Variants in WWP2 observed in about 807,000 individuals in gnomAD.
The protein encoded by WWP2 is NEDD4-like E3 ubiquitin-protein ligase WWP2.
A neutral mutation model predicts 121.0 loss-of-function variants in WWP2; 57 were observed. The observed-to-expected ratio is 0.47, with a 90% CI of 0.38 to 0.59. WWP2 has a LOEUF of 0.59. Ranked by LOEUF, WWP2 falls within the 20% of genes least tolerant of loss-of-function variation. The probability of loss-of-function intolerance (pLI) is 0.00; values close to 1 mark genes in which losing one functional copy is unlikely to be tolerated. For synonymous variants in WWP2, 449 were observed against 441.3 expected, an observed-to-expected ratio of 1.02 and a Z score of -0.22; for missense variants, 962 against 1,158.9, an observed-to-expected ratio of 0.83 and a Z score of 2.47.
chr16:69,768,246 G>GT (rs1424702895), intron 1 of WWP2, among the ~76,000 whole-genome samples: 1 of 152,106 alleles, frequency 6.6e-6, no homozygotes, highest in East Asian at 1.9e-4. Flanking sequence ...GCAGTTCCCT[G>GT]TTTTTCACCC....
At chr16:69,891,269 G>C (rs2058021658) in intron 8 of WWP2, among the ~76,000 whole-genome samples, 1 of 152,178 alleles carries the variant, frequency 6.6e-6, no homozygotes, top group African/African-American at 2.4e-5. Flanking sequence ...GGCAAGGCGG[G>C]TTATTAATTT....
chr16:69,764,644 ATTCT>A (rs2038689768), intron 1 of WWP2, among the ~76,000 whole-genome samples: 2 of 152,326 alleles, frequency 1.3e-5, no homozygotes, highest in Non-Finnish European at 1.5e-5. Flanking sequence ...CTGGGAAAAC[ATTCT>A]TTCATTCAGT....
At chr16:69,905,044 A>C (rs1041395863) in intron 8 of WWP2, among the ~76,000 whole-genome samples, 5 of 152,162 alleles carry the variant, frequency 3.3e-5, no homozygotes, top group Non-Finnish European at 7.3e-5. Flanking sequence ...CAGGCAGCTG[A>C]TCAGACCACG....
At chr16:69,766,279 G>C (rs2038728291) in intron 1 of WWP2, among the ~76,000 whole-genome samples, 1 of 152,108 alleles carries the variant, frequency 6.6e-6, no homozygotes, top group Admixed American at 6.6e-5. Flanking sequence ...CTGTACTTCA[G>C]AGTACACCCT....
chr16:69,796,753 A>G (rs6499256), intron 2 of WWP2, among the ~76,000 whole-genome samples: 8,968 of 152,268 alleles, frequency 0.059, 863 homozygotes, highest in African/African-American at 0.2. Flanking sequence ...ACCCTGGGCC[A>G]TGCCTCAGTA....
chr16:69,912,047 T>C (rs1399873029), intron 9 of WWP2, among the ~76,000 whole-genome samples: 1 of 152,032 alleles, frequency 6.6e-6, no homozygotes. Context: ...CCCAGCACTT[T>C]GGGAGGCCGA....
At chr16:69,896,908 A>G (rs574567578) in intron 8 of WWP2, among the ~76,000 whole-genome samples, 7 of 152,266 alleles carry the variant, frequency 4.6e-5, no homozygotes, top group Non-Finnish European at 1.0e-4. Flanking sequence ...GGCACCACAT[A>G]TACAGATACA....
intron 4 of WWP2, among the ~76,000 whole-genome samples, chr16:69,823,133 A>G (rs2056624009): frequency 6.6e-6 from 1 of 152,248 alleles, no homozygotes; most frequent in Non-Finnish European, 1.5e-5. Context: ...TGTGTCTCAA[A>G]AAAGAAAAAA....
chr16:69,921,636 G>A (rs1194898550), intron 10 of WWP2, among the ~76,000 whole-genome samples: 1 of 152,092 alleles, frequency 6.6e-6, no homozygotes, highest in Non-Finnish European at 1.5e-5. Flanking sequence ...TTGCTTCACC[G>A]TTGCAGTTTC....
intron 19 of WWP2, 35 bp downstream of exon 19, chr16:69,936,487 G>A (rs371519415): frequency 6.2e-7 from 1 of 1,612,242 alleles, no homozygotes; most frequent in African/African-American, 1.3e-5. Context: ...CGCTCCAGGG[G>A]TGGCGTGGAG....
intron 6 of WWP2, among the ~76,000 whole-genome samples, chr16:69,859,979 G>A (rs2057387028): frequency 6.6e-6 from 1 of 151,012 alleles, no homozygotes; most frequent in South Asian, 2.1e-4. Context: ...CAGGTTTTAG[G>A]CATTGGAGGG....
intron 6 of WWP2, among the ~76,000 whole-genome samples, chr16:69,847,069 TC>T (rs1230870388): frequency 6.7e-6 from 1 of 149,990 alleles, no homozygotes; most frequent in Non-Finnish European, 1.5e-5. Flanking sequence ...GCTGCCAGGC[TC>T]TTTTTATTAT....
intron 1 of WWP2, among the ~76,000 whole-genome samples, chr16:69,769,585 G>T (rs2055369979): frequency 6.6e-6 from 1 of 152,112 alleles, no homozygotes; most frequent in South Asian, 2.1e-4. Context: ...AGAATTTTAG[G>T]AATTGAGGTG....
intron 8 of WWP2, among the ~76,000 whole-genome samples, chr16:69,891,638 G>C (rs1184625787): frequency 2.0e-5 from 3 of 152,120 alleles, no homozygotes; most frequent in African/African-American, 4.8e-5. Flanking sequence ...GCGTGCCCTG[G>C]TCACTCAGTT....
chr16:69,849,924 T>C lies in WWP2; in HGVS notation c.575+7804T>C, dbSNP rs368155570. ...CATTTATTTATTGCATAGATATTTATTTGGCATTTACTCTGTATGAGCCTA... is the reference window on the plus strand; with the variant it reads ...CATTTATTTATTGCATAGATATTTACTTGGCATTTACTCTGTATGAGCCTA... On this transcript the variant is annotated intron_variant, in intron 6 of 23. Coordinates refer to ENST00000359154, the MANE Select transcript of WWP2 (RefSeq NM_001270454.2). Among the ~76,000 whole-genome samples, 15 of 152,352 alleles carry C rather than the reference T, an allele frequency of 9.8e-5. 2 individuals carry two copies. The highest frequency in any genetic ancestry group is 3.9e-4 in the East Asian group (2 of 5,180).
In WWP2 at chr16:69,842,126, AC is replaced by A. The variant is rs745986193; in HGVS notation, c.575+12del. On this transcript the variant is annotated splice_region_variant and intron_variant, in intron 6 of 23. Coordinates refer to ENST00000359154, the MANE Select transcript of WWP2 (RefSeq NM_001270454.2). ...TGCTTTGGTGGAAGATCCCGGTAAGACCCCCCTTGGTGAGGACAAAGAGCTA... is the reference window on the plus strand; with the variant it reads ...TGCTTTGGTGGAAGATCCCGGTAAGACCCCCTTGGTGAGGACAAAGAGCTA... 9 of 1,610,774 alleles carry A rather than the reference AC, an allele frequency of 5.6e-6. No homozygotes were observed. The highest frequency in any genetic ancestry group is 4.5e-5 in the East Asian group (2 of 44,838).
chr16:69,888,052 C>G lies in WWP2; in HGVS notation c.717C>G (p.Pro239=), dbSNP rs1275168572. 1.2e-6 allele frequency: 2 copies of G among 1,614,154 alleles called. No individual in the cohort carries two copies. Among genetic ancestry groups the G allele is most frequent in the South Asian group, 1.1e-5 (1 of 91,076 alleles). ...GTGCATCTTCAGTGAATGATGAACC[C>G]ACAACAGCCACTGATCCCGAAGAAC... The part of the protein sequence containing the change: ...GLANGTVNDE[P]TTATDPEEPS... The change falls in exon 8 of 24, where the codon CCC becomes CCG. Residue 239 remains proline, a synonymous_variant. Coordinates refer to ENST00000359154, the MANE Select transcript of WWP2 (RefSeq NM_001270454.2).
intron 1 of WWP2, among the ~76,000 whole-genome samples, chr16:69,778,327 A>G (rs1195912027): frequency 1.3e-5 from 2 of 151,506 alleles, no homozygotes; most frequent in Admixed American, 1.3e-4. Context: ...GGTAACCTTT[A>G]GTTATATTTT....
At chr16:69,821,716 CT>C (rs2056595433) in intron 4 of WWP2, among the ~76,000 whole-genome samples, 1 of 144,354 alleles carries the variant, frequency 6.9e-6, no homozygotes. Flanking sequence ...CCTTTCTTTT[CT>C]TTCTTACTTT....
Sources: allele counts gnomAD v4.1 joint callset (sites outside exome capture counted in the v4.1 genomes callset), GRCh38; gene constraint gnomAD v4.1.1; transcripts MANE v1.5; gene names NCBI Gene and HGNC (gene_info 2026-07-23, HGNC 2026-07-21).